The following HSPG2 variants were observed in gnomAD, a reference collection of about 807,000 sequenced individuals.
HSPG2 encodes the protein heparan sulfate proteoglycan 2, also known as basement membrane-specific heparan sulfate proteoglycan core protein.
HSPG2 carries 278 observed loss-of-function variants against 526.6 expected under a neutral mutation model. The ratio of observed to expected loss-of-function variants is 0.53; its 90% confidence interval spans 0.48 to 0.58. HSPG2 has a LOEUF of 0.58. HSPG2 is among the 20% of genes least tolerant of loss of function. HSPG2 has a pLI of 0.00. For missense variants in HSPG2, 5,354 were observed against 6,099.5 expected (o/e 0.88, Z 4.07); for synonymous variants, 2,465 against 2,555.4 (o/e 0.96, Z 1.07).
chr1:21,888,296 T>C (rs1642092782), intron 6 of HSPG2, among the ~76,000 whole-genome samples: 1 of 152,126 alleles, frequency 6.6e-6, no homozygotes, highest in Non-Finnish European at 1.5e-5. Context: ...CCACACACAG[T>C]TGACATGCCA....
In HSPG2 at chr1:21,872,375, G is replaced by A. The variant is rs781317661; in HGVS notation, c.4032C>T (p.Ile1344=). The change falls in exon 33 of 97, where the codon ATC becomes ATT. Residue 1344 remains isoleucine (I), a splice_region_variant and synonymous_variant. Coordinates refer to ENST00000374695, the MANE Select transcript of HSPG2 (RefSeq NM_005529.7). This position sits in a 1 kb window ranked among gnomAD's most constrained non-coding sequence, Gnocchi z 5.5. The part of the protein sequence containing the change: ...CASSAYTRHL[I]STHFAPGDFQ... Reference sequence around the variant, plus strand: ...AGTCCCCAGGGGCAAAGTGGGTGGAGATCTGGCAGGGGAAAAAGGAGGGGG... The same window carrying A: ...AGTCCCCAGGGGCAAAGTGGGTGGAAATCTGGCAGGGGAAAAAGGAGGGGG... 5.7e-6 allele frequency: 9 copies of A among 1,567,158 alleles called. No homozygotes were observed. Among genetic ancestry groups the A allele is most frequent in the South Asian group, 1.2e-5 (1 of 84,998 alleles).
chr1:21,854,659 G>A lies in HSPG2; in HGVS notation c.6240C>T (p.Ala2080=). 1.2e-6 allele frequency: 2 copies of A among 1,600,512 alleles called. No individual in the cohort carries two copies. The highest frequency in any genetic ancestry group is 8.5e-7 in the Non-Finnish European group (1 of 1,173,432). ...LNCVVAGSAH[A]QVTWYRRGGS... ...CCCCTCGCCTGTACCAGGTGACCTGGGCATGGGCTGACCCTGCCACCACAC... is the reference window on the plus strand; with the variant it reads ...CCCCTCGCCTGTACCAGGTGACCTGAGCATGGGCTGACCCTGCCACCACAC... Residue 2080 remains alanine, a synonymous_variant, in exon 49 of 97, where the codon GCC becomes GCT. Transcript: ENST00000374695.
In HSPG2 at chr1:21,872,309, G is replaced by T; in HGVS notation, c.4098C>A (p.Arg1366=). 1.3e-6 allele frequency: 2 copies of T among 1,574,138 alleles called. No individual in the cohort carries two copies. Among genetic ancestry groups the T allele is most frequent in the South Asian group, 2.3e-5 (2 of 85,564 alleles). The part of the protein sequence containing the change: ...FALVNPQRNS[R]LTGEFTVEPV... ...GTTCCACAGTGAATTCTCCTGTCAGGCGGCTGTTTCGCTGTGGGTTCACCA... is the reference window on the plus strand; with the variant it reads ...GTTCCACAGTGAATTCTCCTGTCAGTCGGCTGTTTCGCTGTGGGTTCACCA... The change falls in exon 33 of 97, where the codon CGC becomes CGA. Residue 1366 remains arginine (R), a synonymous_variant. Coordinates refer to ENST00000374695, the MANE Select transcript of HSPG2 (RefSeq NM_005529.7). This position sits in a 1 kb window ranked among gnomAD's most constrained non-coding sequence, Gnocchi z 5.5.
rs1638425938 is a variant in HSPG2, at chr1:21,846,263, G to A, written c.8317-8C>T. Reference sequence around the variant, plus strand: ...CAGCCGTGAGCCGCGGGTCTGAATAGGGGACAGGACAGAGGAACAGAGTCA... The same window carrying A: ...CAGCCGTGAGCCGCGGGTCTGAATAAGGGACAGGACAGAGGAACAGAGTCA... On this transcript the variant is annotated splice_region_variant and splice_polypyrimidine_tract_variant and intron_variant, in intron 63 of 96. Transcript: ENST00000374695. 1 of 1,612,954 alleles carries A rather than the reference G, an allele frequency of 6.2e-7. No homozygotes were observed. Among genetic ancestry groups the A allele is most frequent in the South Asian group, 1.1e-5 (1 of 91,082 alleles).
chr1:21,928,834 C>T (rs1644274624), intron 1 of HSPG2, among the ~76,000 whole-genome samples: 1 of 151,966 alleles, frequency 6.6e-6, no homozygotes, highest in South Asian at 2.1e-4. Flanking sequence ...ACCACAACCT[C>T]CGCCTCCCGG....
At chr1:21,851,311 T>C (rs777075179) in intron 55 of HSPG2, 4 of 605,890 alleles carry the variant, frequency 6.6e-6, no homozygotes, top group Non-Finnish European at 1.2e-5. Flanking sequence ...GCCCTGAAAC[T>C]ATAGCACAGA....
chr1:21,935,322 C>CT (rs1644460909), intron 1 of HSPG2, among the ~76,000 whole-genome samples: 1 of 152,244 alleles, frequency 6.6e-6, no homozygotes, highest in African/African-American at 2.4e-5. Flanking sequence ...AGAAGGCTCT[C>CT]TAATCCCACA....
chr1:21,928,861 T>A (rs1348433225), intron 1 of HSPG2, among the ~76,000 whole-genome samples: 4 of 152,142 alleles, frequency 2.6e-5, no homozygotes, highest in Admixed American at 6.6e-5. Context: ...GTGATTCTCC[T>A]GCCTCAGCCT....
Position 21,855,958 on chromosome 1 carries a change from G to A in HSPG2, c.5576-46C>T, listed in dbSNP as rs114216130. 144 of 1,598,374 alleles carry A rather than the reference G, an allele frequency of 9.0e-5. No individual in the cohort carries two copies. The African/African-American group carries it at 9.9e-4, about 11-fold the overall frequency. On this transcript the variant is annotated intron_variant, in intron 44 of 96. Coordinates refer to ENST00000374695, the MANE Select transcript of HSPG2 (RefSeq NM_005529.7). ...ACATGCACTCAGGGTGGGGAGTGTC[G>A]TCTGACTCACACAACAGTCCTGCTG... is the stretch of plus-strand genomic sequence containing the variant.
At chr1:21,876,468 G>C (rs554007137) in intron 22 of HSPG2, 44 bp downstream of exon 22, 2 of 1,612,926 alleles carry the variant, frequency 1.2e-6, no homozygotes, top group Non-Finnish European at 1.7e-6. Flanking sequence ...TGGTCCATCC[G>C]GCCCAGGGCT....
intron 1 of HSPG2, 116 bp downstream of exon 1, chr1:21,937,039 G>T: frequency 3.4e-6 from 1 of 291,308 alleles, no homozygotes; most frequent in Non-Finnish European, 5.2e-6. Context: ...CCGGGCCAGA[G>T]TCCCCGCCGC....
intron 87 of HSPG2, 51 bp downstream of exon 87, chr1:21,829,332 G>C: frequency 6.4e-7 from 1 of 1,572,076 alleles, no homozygotes; most frequent in Non-Finnish European, 8.8e-7. Flanking sequence ...AGAGCCGAGG[G>C]GGGCACAAGG....
intron 13 of HSPG2, among the ~76,000 whole-genome samples, chr1:21,883,025 G>T (rs1031869175): frequency 1.3e-5 from 2 of 152,054 alleles, no homozygotes; most frequent in Admixed American, 6.6e-5. Context: ...CAGGCCACCT[G>T]CTCACCCTGG....
intron 23 of HSPG2, 79 bp from the exon 24 acceptor site, chr1:21,876,121 G>A (rs1641043541): frequency 6.3e-7 from 1 of 1,579,416 alleles, no homozygotes; most frequent in African/African-American, 1.3e-5. Flanking sequence ...TTTCCATGCA[G>A]TGTATCTCAC....
Position 21,872,927 on chromosome 1 carries a change from G to T in HSPG2, c.3888+70C>A. The T allele has an allele frequency of 6.4e-7, 1 of 1,558,478 alleles. No individual in the cohort carries two copies. The highest frequency in any genetic ancestry group is 8.8e-7 in the Non-Finnish European group (1 of 1,130,218). ...CAGGTCTCGGCTTCCACCAGATGCT[G>T]CCTGATTTCCCCGCAGGGTCTGGGC... On this transcript the variant is annotated intron_variant, in intron 31 of 96. Coordinates refer to ENST00000374695, the MANE Select transcript of HSPG2 (RefSeq NM_005529.7). This position sits in a 1 kb window ranked among gnomAD's most constrained non-coding sequence, Gnocchi z 5.5.
intron 74 of HSPG2, among the ~76,000 whole-genome samples, chr1:21,837,682 C>T (rs558240372): frequency 6.7e-6 from 1 of 149,132 alleles, no homozygotes; most frequent in Non-Finnish European, 1.5e-5. Flanking sequence ...AAGACACCTA[C>T]ACATGCAGGG....
In HSPG2 at chr1:21,878,573, T is replaced by A. The variant is rs573331026; in HGVS notation, c.2558+4A>T. On this transcript the variant is annotated splice_donor_region_variant and intron_variant, in intron 19 of 96. Transcript: ENST00000374695. ...TTCCTGCAGCCCCCAAGGCTCTCCC[T>A]CACCTCTCACAGCGGCGGCCAGTGT... The A allele has an allele frequency of 3.7e-6, 6 of 1,614,070 alleles. No individual in the cohort carries two copies. The South Asian group carries it at 6.6e-5, about 18-fold the overall frequency.
chr1:21,875,890 G>A lies in HSPG2; in HGVS notation c.3156C>T (p.Pro1052=). ...CCCGGAAAGGCACAATGAAGGTGCT[G>A]GGCTGGCCGGGGCTGGGCTCCTGGG... The part of the protein sequence containing the change: ...HVAQEPSPGQ[P]STFIVPFREQ... The change falls in exon 24 of 97, where the codon CCC becomes CCT. Residue 1052 remains proline (P), a synonymous_variant. Coordinates refer to ENST00000374695, the MANE Select transcript of HSPG2 (RefSeq NM_005529.7). 6.2e-7 allele frequency: 1 copy of A among 1,614,096 alleles called. No individual in the cohort carries two copies. Among genetic ancestry groups the A allele is most frequent in the South Asian group, 1.1e-5 (1 of 91,086 alleles).
rs1300761137 is a variant in HSPG2 at position 21,855,325 on chromosome 1, T to G, written c.5976A>C (p.Glu1992Asp). Residue 1992 changes from glutamate to aspartate, a missense_variant, in exon 47 of 97, where the codon GAA becomes GAC. By Grantham distance (45) the Glu-to-Asp change is conservative. Coordinates refer to ENST00000374695, the MANE Select transcript of HSPG2 (RefSeq NM_005529.7). Reference sequence around the variant, plus strand: ...TCACCTGTGGTGGGAGGCTGCCCCCTTCCTTCCTCCAGGTGATGGTGGCGC... The same window carrying G: ...TCACCTGTGGTGGGAGGCTGCCCCCGTCCTTCCTCCAGGTGATGGTGGCGC... The part of the protein sequence containing the change: ...VPSATITWRK[E>D]GGSLPPQARS... 1 of 1,607,292 alleles carries G rather than the reference T, an allele frequency of 6.2e-7. No homozygotes were observed. The highest frequency in any genetic ancestry group is 1.7e-5 in the Admixed American group (1 of 59,390).
Sources: gnomAD v4.1 joint callset for allele counts (sites outside exome capture counted in the v4.1 genomes callset) on GRCh38, gnomAD v4.1.1 for gene constraint, Gnocchi (gnomAD v3.1) non-coding constraint, MANE v1.5 for transcripts, NCBI Gene and HGNC (gene_info 2026-07-23, HGNC 2026-07-21) for gene names.